The following EMSY variants were observed in gnomAD, a reference collection of about 807,000 sequenced individuals.
The protein encoded by EMSY is BRCA2-interacting transcriptional repressor EMSY.
A neutral mutation model predicts 134.6 loss-of-function variants in EMSY; 26 were observed. That is an observed-to-expected ratio of 0.19 (90% confidence interval 0.14 to 0.27). The LOEUF (loss-of-function observed/expected upper bound fraction) is 0.27. Ranked by LOEUF, EMSY falls within the 10% of genes least tolerant of loss-of-function variation. The probability of loss-of-function intolerance (pLI) is 1.00; values close to 1 mark genes in which losing one functional copy is unlikely to be tolerated. For missense variants in EMSY, 1,305 were observed against 1,611.4 expected (o/e 0.81, Z 3.26); for synonymous variants, 579 against 577.8 (o/e 1.00, Z -0.03).
At chr11:76,539,016 C>G (rs1307263630) in intron 16 of EMSY, among the ~76,000 whole-genome samples, 1 of 152,140 alleles carries the variant, frequency 6.6e-6, no homozygotes, top group Non-Finnish European at 1.5e-5. Context: ...CTTACAAGTT[C>G]TGGTGGAAAG....
intron 9 of EMSY, among the ~76,000 whole-genome samples, chr11:76,504,035 C>T (rs540898215): frequency 6.6e-6 from 1 of 151,912 alleles, no homozygotes; most frequent in Admixed American, 6.6e-5. Context: ...ATCCACCTAC[C>T]TTGGCCTCCC....
intron 12 of EMSY, 70 bp from the exon 14 acceptor site, chr11:76,526,392 T>G (rs974972517): frequency 1.7e-6 from 2 of 1,190,484 alleles, no homozygotes; most frequent in Middle Eastern, 2.1e-4. Flanking sequence ...ACCTTACTGA[T>G]TTTTCAGTGA....
intron 8 of EMSY, among the ~76,000 whole-genome samples, chr11:76,485,613 A>G (rs184281872): frequency 7.2e-5 from 11 of 152,364 alleles, no homozygotes; most frequent in African/African-American, 2.2e-4. Context: ...AAAAGCTGGA[A>G]GCATTCCCTT....
chr11:76,528,147 A>G, intron 13 of EMSY, 121 bp from the exon 15 acceptor site: 2 of 840,500 alleles, frequency 2.4e-6, no homozygotes. Flanking sequence ...GCTGTGCCTA[A>G]AAAGTATAAC....
At chr11:76,496,263 C>T in exon 9 of EMSY, 1 of 1,614,170 alleles carries the variant, frequency 6.2e-7, no homozygotes, top group Non-Finnish European at 8.5e-7. Context: ...CTTCCTTCCC[C>T]CAAAAGCTTA....
intron 2 of EMSY, 127 bp from the exon 3 acceptor site, chr11:76,451,731 G>T (rs1464525700): frequency 2.1e-6 from 1 of 467,584 alleles, no homozygotes. Context: ...TAAAATTTTT[G>T]AAAGGAATTT....
intron 7 of EMSY, among the ~76,000 whole-genome samples, chr11:76,466,033 A>G (rs1948337768): frequency 6.6e-6 from 1 of 152,130 alleles, no homozygotes; most frequent in South Asian, 2.1e-4. Flanking sequence ...GGTTAAATAG[A>G]GGGAAAGGGC....
chr11:76,545,773 C>T, intron 19 of EMSY, 24 bp from the exon 21 acceptor site: 1 of 1,579,342 alleles, frequency 6.3e-7, no homozygotes, highest in Non-Finnish European at 8.6e-7. Flanking sequence ...AGCTATAACA[C>T]ACACAACCCC....
At chr11:76,546,199 A>G in exon 20 of EMSY, 1 of 1,614,166 alleles carries the variant, frequency 6.2e-7, no homozygotes, top group Non-Finnish European at 8.5e-7. Context: ...GACAAGGAAA[A>G]TTGATCCACC....
chr11:76,510,186 T>C (rs1375217904), intron 9 of EMSY, among the ~76,000 whole-genome samples: 1 of 152,166 alleles, frequency 6.6e-6, no homozygotes, highest in Non-Finnish European at 1.5e-5. Context: ...AGACCCTATC[T>C]CTACAAAAAT....
rs570550612 is a variant in EMSY, at chr11:76,540,418, A to G, written c.2557+778A>G. Among the ~76,000 whole-genome samples the G allele has an allele frequency of 7.9e-5, 12 of 152,230 alleles. No individual in the cohort carries two copies. In the South Asian group the frequency reaches 2.3e-3, roughly 29 times the overall value. ...TTTTTTTCGATTATGTTGAGCACAT[A>G]TGGAAGATTTTATTAACTCACGTAA... On this transcript the variant is annotated intron_variant, in intron 17 of 20. Transcript: ENST00000334736.
intron 8 of EMSY, among the ~76,000 whole-genome samples, chr11:76,487,864 G>A (rs183044220): frequency 6.6e-6 from 1 of 152,156 alleles, no homozygotes; most frequent in Non-Finnish European, 1.5e-5. Context: ...AAAGATTTTG[G>A]ATAAGTGATA....
chr11:76,546,257 A>G lies in EMSY; in HGVS notation c.3734A>G (p.Gln1245Arg). Residue 1245 changes from glutamine to arginine, a missense_variant, in exon 20 of 21, where the codon CAA becomes CGA. Gln to Arg is a conservative substitution (Grantham distance 43). Transcript: ENST00000334736. ...TTCATGCGTATTCAGAATGTAGGCC[A>G]AAAGAAAGCTGAAGAGAGTCCAGCA... 6.2e-7 allele frequency: 1 copy of G among 1,613,666 alleles called. No individual in the cohort carries two copies. The highest frequency in any genetic ancestry group is 1.1e-5 in the South Asian group (1 of 90,952).
intron 2 of EMSY, among the ~76,000 whole-genome samples, 192 bp downstream of exon 2, chr11:76,447,200 A>G (rs1451241317): frequency 6.6e-6 from 1 of 152,220 alleles, no homozygotes; most frequent in Non-Finnish European, 1.5e-5. Flanking sequence ...AGGTGTGTGA[A>G]TTGTAATAAT....
intron 15 of EMSY, 29 bp downstream of exon 16, chr11:76,536,088 A>C: frequency 7.0e-7 from 1 of 1,433,166 alleles, no homozygotes; most frequent in Non-Finnish European, 9.3e-7. Flanking sequence ...AATTGAATGA[A>C]GCATGTTTTC....
chr11:76,517,846 A>C (rs1950500235), intron 11 of EMSY, among the ~76,000 whole-genome samples: 1 of 152,146 alleles, frequency 6.6e-6, no homozygotes. Context: ...CATACAGTTT[A>C]AACAACTTTA....
chr11:76,463,664 A>G (rs1948230357), intron 6 of EMSY, among the ~76,000 whole-genome samples, 157 bp from the exon 8 acceptor site: 1 of 151,824 alleles, frequency 6.6e-6, no homozygotes, highest in Admixed American at 6.6e-5. Context: ...GAGGGAAGGC[A>G]TTCAGAGACC....
chr11:76,464,840 CT>C (rs34231073), intron 7 of EMSY, among the ~76,000 whole-genome samples: 1 of 152,108 alleles, frequency 6.6e-6, no homozygotes, highest in Non-Finnish European at 1.5e-5. Context: ...TACCTTCCCA[CT>C]TTTTTTATGG....
At chr11:76,548,606 TA>T (rs2136897345) in intron 20 of EMSY, among the ~76,000 whole-genome samples, 1 of 152,332 alleles carries the variant, frequency 6.6e-6, no homozygotes, top group South Asian at 2.1e-4. Context: ...TAGAGTGACT[TA>T]CTCAGAGGCC....
Sources: allele counts gnomAD v4.1 joint callset (sites outside exome capture counted in the v4.1 genomes callset), GRCh38; gene constraint gnomAD v4.1.1; transcripts MANE v1.5; gene names NCBI Gene and HGNC (gene_info 2026-07-23, HGNC 2026-07-21).